PDZD2: variants seen among roughly 807,000 people sequenced by gnomAD.
The protein encoded by PDZD2 is PDZ domain containing 2.
PDZD2 carries 90 observed loss-of-function variants against 220.7 expected under a neutral mutation model. The ratio of observed to expected loss-of-function variants is 0.41; its 90% CI spans 0.34 to 0.49. The LOEUF (loss-of-function observed/expected upper bound fraction) is 0.49, where lower values mean the gene tolerates loss of function less well. PDZD2 is among the 20% of genes least tolerant of loss of function. The pLI, the probability that PDZD2 is intolerant of heterozygous loss-of-function variation, is 0.28. For missense variants in PDZD2, 3,174 were observed against 3,608.5 expected (o/e 0.88, Z 3.08); for synonymous variants, 1,375 against 1,450.5 (o/e 0.95, Z 1.18).
intron 21 of PDZD2, among the ~76,000 whole-genome samples, chr5:32,095,934 G>A (rs1456961571): frequency 6.2e-4 from 91 of 146,896 alleles, no homozygotes; most frequent in African/African-American, 2.2e-3. Flanking sequence ...TAGTAGAGAC[G>A]GGGTTTCACC....
chr5:31,816,777 G>A (rs1242566528), intron 2 of PDZD2, among the ~76,000 whole-genome samples: 1 of 152,130 alleles, frequency 6.6e-6, no homozygotes, highest in Non-Finnish European at 1.5e-5. Context: ...TGGTGGATAG[G>A]GTTGGAAAAT....
intron 2 of PDZD2, among the ~76,000 whole-genome samples, chr5:31,923,699 A>T (rs1744494972): frequency 6.6e-6 from 1 of 152,212 alleles, no homozygotes; most frequent in African/African-American, 2.4e-5. Flanking sequence ...AACTTATGAT[A>T]GAATGTATCA....
At chr5:31,935,631 G>A (rs1342339182) in intron 2 of PDZD2, among the ~76,000 whole-genome samples, 2 of 152,028 alleles carry the variant, frequency 1.3e-5, no homozygotes, top group African/African-American at 4.8e-5. Flanking sequence ...GTTTGCATTT[G>A]GATGCAATTT....
chr5:31,940,360 G>A (rs1334578732), intron 2 of PDZD2, among the ~76,000 whole-genome samples: 1 of 152,198 alleles, frequency 6.6e-6, no homozygotes, highest in Admixed American at 6.5e-5. Flanking sequence ...GCCACACTGT[G>A]ACTCCACAGA....
At chr5:32,079,054 G>A (rs1741643287) in intron 19 of PDZD2, among the ~76,000 whole-genome samples, 1 of 151,714 alleles carries the variant, frequency 6.6e-6, no homozygotes, top group Non-Finnish European at 1.5e-5. Flanking sequence ...GAGGTCAGGA[G>A]TTCAAGACCA....
At chr5:31,981,160 T>C (rs575982182) in intron 2 of PDZD2, among the ~76,000 whole-genome samples, 5 of 152,224 alleles carry the variant, frequency 3.3e-5, no homozygotes, top group Admixed American at 3.3e-4. Flanking sequence ...GTATCTTTTA[T>C]CTGCCTGTTT....
intron 2 of PDZD2, chr5:31,822,854 C>G: frequency 1.3e-6 from 1 of 779,492 alleles, no homozygotes; most frequent in Non-Finnish European, 2.2e-6. Flanking sequence ...TGCACATACA[C>G]AGACCTCATC....
intron 2 of PDZD2, among the ~76,000 whole-genome samples, chr5:31,905,840 C>T (rs141210699): frequency 1.3e-5 from 2 of 151,966 alleles, no homozygotes; most frequent in East Asian, 1.9e-4. Context: ...GGACTTTGGA[C>T]GGGTAGGGAG....
In PDZD2 at chr5:31,757,240, C is replaced by T. The variant is rs531588659; in HGVS notation, c.-360-41649C>T. Among the ~76,000 whole-genome samples the T allele has an allele frequency of 3.9e-5, 6 of 152,158 alleles. 1 individual carries two copies. The East Asian group carries it at 7.8e-4, about 20-fold the overall frequency. On this transcript the variant is annotated intron_variant, in intron 1 of 24. Coordinates refer to ENST00000438447, the MANE Select transcript of PDZD2 (RefSeq NM_178140.4). Reference sequence around the variant, plus strand: ...GCTCCAGGCTGCAGTGAGCTATGACCGCACTACTGCACTCCAAACTGGATG... The same window carrying T: ...GCTCCAGGCTGCAGTGAGCTATGACTGCACTACTGCACTCCAAACTGGATG...
intron 1 of PDZD2, among the ~76,000 whole-genome samples, chr5:31,729,548 A>G (rs1363048087): frequency 6.6e-6 from 1 of 152,196 alleles, no homozygotes; most frequent in African/African-American, 2.4e-5. Flanking sequence ...GTTTGAACTC[A>G]GAGTGTTCTA....
rs1752026140 is a variant in PDZD2 at position 32,000,568 on chromosome 5, T to C, written c.1254+297T>C. Among the ~76,000 whole-genome samples the C allele has an allele frequency of 6.6e-6, 1 of 152,142 alleles. No homozygotes were observed. Among genetic ancestry groups the C allele is most frequent in the African/African-American group, 2.4e-5 (1 of 41,432 alleles). On this transcript the variant is annotated intron_variant, in intron 5 of 24. Transcript: ENST00000438447. The surrounding 1 kb of genome is among the most constrained non-coding windows in gnomAD (Gnocchi z 4.5). Reference sequence around the variant, plus strand: ...TCTTGTTGCCTAGTCTGGAGTGCAATGGCGCAATCTCGGCTCACCGCAACC... The same window carrying C: ...TCTTGTTGCCTAGTCTGGAGTGCAACGGCGCAATCTCGGCTCACCGCAACC...
At chr5:31,756,225 T>A (rs1449139993) in intron 1 of PDZD2, among the ~76,000 whole-genome samples, 1 of 152,042 alleles carries the variant, frequency 6.6e-6, no homozygotes, top group Non-Finnish European at 1.5e-5. Context: ...ACCTCTAACA[T>A]AAGAGATGCT....
intron 2 of PDZD2, among the ~76,000 whole-genome samples, chr5:31,980,361 AATTT>A (rs1260409673): frequency 6.6e-6 from 1 of 152,190 alleles, no homozygotes; most frequent in African/African-American, 2.4e-5. Context: ...TGTAGCATAT[AATTT>A]ATTCCTTTTT....
At chr5:31,891,533 T>C (rs1227779715) in intron 2 of PDZD2, among the ~76,000 whole-genome samples, 1 of 152,130 alleles carries the variant, frequency 6.6e-6, no homozygotes, top group Non-Finnish European at 1.5e-5. Flanking sequence ...CAGGCTGATC[T>C]CGAACTCCTG....
Position 32,025,591 on chromosome 5 carries a change from C to CTTTTTTTTTTTTTTTTTTTTTTTT in PDZD2, c.1408-11635_1408-11612dup, listed in dbSNP as rs70957998. 4.7e-4 allele frequency among the ~76,000 whole-genome samples: 32 copies of CTTTTTTTTTTTTTTTTTTTTTTTT among 67,522 alleles called. 6 individuals are homozygous for CTTTTTTTTTTTTTTTTTTTTTTTT. The highest frequency in any genetic ancestry group is 7.2e-4 in the African/African-American group (11 of 15,246). 44.3% of individuals were successfully genotyped at this position (67,522 alleles called of 152,430 possible). A position where few individuals can be genotyped will look rare whatever the true frequency, so the allele number is the denominator to read the frequency against. ...AGTGAGCCCAAATGTAACCATGATG[C>CTTTTTTTTTTTTTTTTTTTTTTTT]TTTTTTTTTTTTTTTTTTTTTTTTT... On this transcript the variant is annotated intron_variant, in intron 6 of 24. Transcript: ENST00000438447.
chr5:32,034,046 T>C (rs10039676), intron 6 of PDZD2, among the ~76,000 whole-genome samples: 1 of 152,204 alleles, frequency 6.6e-6, no homozygotes, highest in Non-Finnish European at 1.5e-5. Context: ...CCTTCTCAGG[T>C]GCTCAGAAGT....
intron 1 of PDZD2, among the ~76,000 whole-genome samples, chr5:31,734,734 G>A (rs143615818): frequency 1.1e-3 from 162 of 152,236 alleles, no homozygotes; most frequent in South Asian, 1.7e-3. Context: ...TTTGGGAAAT[G>A]GGGCTGAAAG....
chr5:31,855,564 G>T (rs1456349368), intron 2 of PDZD2, among the ~76,000 whole-genome samples: 2 of 152,336 alleles, frequency 1.3e-5, no homozygotes, highest in Admixed American at 6.5e-5. Flanking sequence ...GGGGCGGGGG[G>T]CATGGCAGCA....
chr5:32,106,977 C>T (rs1050802841), intron 24 of PDZD2, among the ~76,000 whole-genome samples: 4 of 152,100 alleles, frequency 2.6e-5, no homozygotes, highest in Non-Finnish European at 5.9e-5. Context: ...GTATTTTTAT[C>T]ACATAATATT....
Sources: gnomAD v4.1 joint callset for allele counts (sites outside exome capture counted in the v4.1 genomes callset) on GRCh38, gnomAD v4.1.1 for gene constraint, Gnocchi (gnomAD v3.1) non-coding constraint, MANE v1.5 for transcripts, NCBI Gene and HGNC (gene_info 2026-07-23, HGNC 2026-07-21) for gene names.